The following TMEM116 variants were observed in gnomAD, a reference collection of about 807,000 sequenced individuals.
TMEM116 encodes the protein transmembrane protein 116.
In TMEM116, 38 loss-of-function variants were observed where a neutral mutation model predicts 44.3. The observed-to-expected ratio is 0.86, with a 90% confidence interval of 0.66 to 1.12. The LOEUF (loss-of-function observed/expected upper bound fraction) is 1.12, where lower values mean the gene tolerates loss of function less well. Among genes scored for constraint, TMEM116 ranks in the 50% most tolerant of loss-of-function variants. The pLI is 0.00. For synonymous variants in TMEM116, 132 were observed against 144.8 expected (o/e 0.91, Z 0.64); for missense variants, 354 against 401.7 (o/e 0.88, Z 1.01).
At chr12:111,984,901 CATTTT>C (rs1229602446) in intron 4 of TMEM116, among the ~76,000 whole-genome samples, 1 of 152,006 alleles carries the variant, frequency 6.6e-6, no homozygotes, top group Non-Finnish European at 1.5e-5. Context: ...TAACAATTCC[CATTTT>C]ATTATACATT....
intron 4 of TMEM116, among the ~76,000 whole-genome samples, chr12:111,977,289 T>A (rs1174702938): frequency 6.6e-6 from 1 of 152,058 alleles, no homozygotes; most frequent in Non-Finnish European, 1.5e-5. Context: ...TCAAACTACA[T>A]AAACAAGAAG....
chr12:111,967,253 C>T (rs1477480835), intron 4 of TMEM116, among the ~76,000 whole-genome samples: 1 of 152,022 alleles, frequency 6.6e-6, no homozygotes, highest in African/African-American at 2.4e-5. Flanking sequence ...AATAACAAAA[C>T]TAAAATGAGA....
chr12:111,993,633 G>A (rs1365246687), intron 3 of TMEM116: 1 of 565,964 alleles, frequency 1.8e-6, no homozygotes, highest in Non-Finnish European at 3.4e-6. Flanking sequence ...TCTACAAAGG[G>A]GTTGCTCCTC....
chr12:111,958,765 G>T (rs2074355108), intron 4 of TMEM116, among the ~76,000 whole-genome samples: 1 of 152,050 alleles, frequency 6.6e-6, no homozygotes, highest in Non-Finnish European at 1.5e-5. Flanking sequence ...AAGATCAACT[G>T]AATGAAATAA....
rs373333868 is a variant in TMEM116, at chr12:111,994,089, T to G, written c.79-2200A>C. On this transcript the variant is annotated intron_variant, in intron 3 of 10. Coordinates refer to ENST00000552374, the MANE Select transcript of TMEM116 (RefSeq NM_001193531.2). The stretch of plus-strand genomic sequence containing the variant: ...GATCAAAGCAAATGTGGACTGAAAC[T>G]GCTTGTTGATCAGTGTTGAAGAACG... Among the ~76,000 whole-genome samples, 145 of 152,326 alleles carry G rather than the reference T, an allele frequency of 9.5e-4. 3 individuals carry two copies. In the South Asian group the frequency reaches 0.029, roughly 30 times the overall value.
intron 3 of TMEM116, among the ~76,000 whole-genome samples, chr12:111,994,595 TTAATG>T (rs2076825830): frequency 6.6e-6 from 1 of 152,178 alleles, no homozygotes; most frequent in South Asian, 2.1e-4. Flanking sequence ...AAGTAATTCT[TTAATG>T]TAACATCGGT....
rs574081964 is a variant in TMEM116 at position 111,940,569 on chromosome 12, A to G, written c.316-2359T>C. Among the ~76,000 whole-genome samples the G allele has an allele frequency of 3.6e-3, 527 of 145,404 alleles. 4 individuals carry two copies. The highest frequency in any genetic ancestry group is 6.5e-3 in the African/African-American group (259 of 39,614). ...TACACACACACATATATATGTGTGT[A>G]TATATATATATATATCTTCGGCTAA... On this transcript the variant is annotated intron_variant, in intron 5 of 10. Coordinates refer to ENST00000552374, the MANE Select transcript of TMEM116 (RefSeq NM_001193531.2).
chr12:111,977,796 G>T (rs1327454647), intron 4 of TMEM116, among the ~76,000 whole-genome samples: 1 of 151,918 alleles, frequency 6.6e-6, no homozygotes, highest in African/African-American at 2.4e-5. Context: ...CTGTTACAAG[G>T]TACCTGCACT....
chr12:111,951,717 G>C (rs1313652860), intron 4 of TMEM116, among the ~76,000 whole-genome samples: 1 of 151,888 alleles, frequency 6.6e-6, no homozygotes, highest in Non-Finnish European at 1.5e-5. Context: ...ATGGGTACTA[G>C]GCTTAAAACC....
At chr12:111,942,120 T>A (rs930492218) in intron 5 of TMEM116, among the ~76,000 whole-genome samples, 17 of 151,890 alleles carry the variant, frequency 1.1e-4, no homozygotes, top group African/African-American at 4.1e-4. Context: ...GTATTTTTAG[T>A]AGAGACGGGG....
chr12:111,933,275 C>T (rs1348382011), intron 9 of TMEM116, among the ~76,000 whole-genome samples: 1 of 151,572 alleles, frequency 6.6e-6, no homozygotes, highest in East Asian at 2.0e-4. Flanking sequence ...ACCTGATCCT[C>T]ACTATAACCT....
At chr12:111,984,794 G>T (rs1301355173) in intron 4 of TMEM116, among the ~76,000 whole-genome samples, 1 of 151,624 alleles carries the variant, frequency 6.6e-6, no homozygotes, top group Non-Finnish European at 1.5e-5. Context: ...AACATTTCAT[G>T]TACCCCCATA....
At chr12:112,003,138 T>C (rs2136711427) in intron 3 of TMEM116, among the ~76,000 whole-genome samples, 1 of 152,358 alleles carries the variant, frequency 6.6e-6, no homozygotes, top group East Asian at 1.9e-4. Flanking sequence ...CCAGTAGCAA[T>C]TTTACTAAAG....
At chr12:111,988,605 A>G (rs2076361256) in intron 4 of TMEM116, among the ~76,000 whole-genome samples, 1 of 151,450 alleles carries the variant, frequency 6.6e-6, no homozygotes, top group Admixed American at 6.6e-5. Flanking sequence ...AGGCTGAGGC[A>G]GGGGAATCGC....
At chr12:111,991,217 C>CA (rs59103081) in intron 4 of TMEM116, among the ~76,000 whole-genome samples, 2,498 of 62,248 alleles carry the variant, frequency 0.04, 106 homozygotes, top group African/African-American at 0.061. Context: ...GACTCTGTCT[C>CA]AAAAAAAAAA....
chr12:112,002,807 C>T (rs1423343363), intron 3 of TMEM116, among the ~76,000 whole-genome samples: 1 of 152,088 alleles, frequency 6.6e-6, no homozygotes, highest in Non-Finnish European at 1.5e-5. Context: ...AAAGTGGGCC[C>T]AATAAAACCC....
intron 4 of TMEM116, among the ~76,000 whole-genome samples, chr12:111,949,981 A>G (rs2073593451): frequency 6.6e-6 from 1 of 152,036 alleles, no homozygotes; most frequent in Non-Finnish European, 1.5e-5. Context: ...TGGGCATGGT[A>G]GTGCACACCT....
At chr12:111,941,014 A>C (rs1428448904) in intron 5 of TMEM116, among the ~76,000 whole-genome samples, 1 of 152,228 alleles carries the variant, frequency 6.6e-6, no homozygotes, top group African/African-American at 2.4e-5. Flanking sequence ...CAGTTACAGA[A>C]TACTAAAGGA....
At chr12:111,941,253 G>A (rs1192400029) in intron 5 of TMEM116, among the ~76,000 whole-genome samples, 2 of 152,032 alleles carry the variant, frequency 1.3e-5, no homozygotes, top group African/African-American at 4.8e-5. Context: ...GCATGTGCCT[G>A]TAATCCTAGC....
Sources: allele counts gnomAD v4.1 joint callset (sites outside exome capture counted in the v4.1 genomes callset), GRCh38; gene constraint gnomAD v4.1.1; transcripts MANE v1.5; gene names NCBI Gene and HGNC (gene_info 2026-07-23, HGNC 2026-07-21).